Variants in SH2D4B observed in about 807,000 individuals in gnomAD.
The protein encoded by SH2D4B is SH2 domain containing 4B.
SH2D4B carries 45 observed loss-of-function variants against 61.5 expected under a neutral mutation model. That is an observed-to-expected ratio of 0.73 (90% CI 0.58 to 0.94). SH2D4B has a LOEUF of 0.94. Ranked by LOEUF, SH2D4B falls within the 40% of genes least tolerant of loss-of-function variation. The pLI is 0.00. For synonymous variants in SH2D4B, 224 were observed against 220.4 expected, an observed-to-expected ratio of 1.02 and a Z score of -0.14; for missense variants, 572 against 574.2, an observed-to-expected ratio of 1.00 and a Z score of 0.04.
chr10:80,641,655 T>C lies in SH2D4B; in HGVS notation c.1210-2338T>C, dbSNP rs934862942. Among the ~76,000 whole-genome samples the C allele has an allele frequency of 2.0e-5, 3 of 152,272 alleles. No individual in the cohort carries two copies. In the East Asian group the frequency reaches 5.8e-4, roughly 29 times the overall value. ...CATATTGTTTGCTTTTCCTGTATAA[T>C]AGAAGCTGCTTTAGCAATGATGAGC... On this transcript the variant is annotated intron_variant, in intron 7 of 7. Transcript: ENST00000646907.
In SH2D4B at chr10:80,634,379, C is replaced by T. The variant is rs969792371; in HGVS notation, c.1083C>T (p.Thr361=). Residue 361 remains threonine, a synonymous_variant, in exon 7 of 8, where the codon ACC becomes ACT. Coordinates refer to ENST00000646907, the MANE Select transcript of SH2D4B (RefSeq NM_001388272.1). ...TCAGTGAGAAAATCTGGGGTTACAC[C>T]CTCTCCTACCGCCTGCAGAAAGGGT... is the stretch of plus-strand genomic sequence containing the variant. ...VRVSEKIWGY[T]LSYRLQKGFK... is the part of the protein sequence containing the mutation. 1 of 1,550,504 alleles carries T rather than the reference C, an allele frequency of 6.4e-7. No individual in the cohort carries two copies. The highest frequency in any genetic ancestry group is 1.7e-4 in the Middle Eastern group (1 of 5,992).
At chr10:80,555,124 A>G (rs1841814082) in intron 1 of SH2D4B, among the ~76,000 whole-genome samples, 1 of 151,788 alleles carries the variant, frequency 6.6e-6, no homozygotes, top group Non-Finnish European at 1.5e-5. Flanking sequence ...AATTAATTCC[A>G]CTCATATGTA....
At chr10:80,613,596 C>T (rs1019371920) in intron 6 of SH2D4B, among the ~76,000 whole-genome samples, 1 of 152,200 alleles carries the variant, frequency 6.6e-6, no homozygotes, top group Non-Finnish European at 1.5e-5. Flanking sequence ...GGATCTCAAG[C>T]GTGGCCTCAC....
intron 3 of SH2D4B, among the ~76,000 whole-genome samples, chr10:80,585,985 C>T (rs34413309): frequency 0.097 from 14,757 of 152,198 alleles, 838 homozygotes; most frequent in Admixed American, 0.14. Context: ...GAGCCGGCCC[C>T]GCCAGCCCGG....
chr10:80,575,559 G>T (rs560485160), intron 3 of SH2D4B, among the ~76,000 whole-genome samples: 1 of 152,056 alleles, frequency 6.6e-6, no homozygotes, highest in African/African-American at 2.4e-5. Context: ...TCAGGAGTTC[G>T]AGACCAGCCT....
intron 3 of SH2D4B, among the ~76,000 whole-genome samples, chr10:80,587,650 G>A (rs368998610): frequency 1.3e-5 from 2 of 151,958 alleles, no homozygotes; most frequent in Admixed American, 1.3e-4. Flanking sequence ...AGGGTATATT[G>A]TGTGATGCTG....
At chr10:80,548,029 TGTAG>T (rs2132104548) in intron 1 of SH2D4B, among the ~76,000 whole-genome samples, 1 of 152,330 alleles carries the variant, frequency 6.6e-6, no homozygotes, top group East Asian at 1.9e-4. Context: ...ACCTGTCACC[TGTAG>T]GTAGGTACCC....
At chr10:80,631,479 G>T (rs1842833646) in intron 6 of SH2D4B, among the ~76,000 whole-genome samples, 1 of 152,228 alleles carries the variant, frequency 6.6e-6, no homozygotes, top group Non-Finnish European at 1.5e-5. Context: ...GAATTCCTGG[G>T]CTCAAGCGAT....
intron 5 of SH2D4B, among the ~76,000 whole-genome samples, chr10:80,606,416 G>A (rs1401684992): frequency 1.3e-5 from 2 of 151,898 alleles, no homozygotes; most frequent in Non-Finnish European, 2.9e-5. Context: ...GTCCGATCCT[G>A]GCTCACTGCA....
chr10:80,613,701 G>A (rs1161139363), intron 6 of SH2D4B, among the ~76,000 whole-genome samples: 1 of 152,246 alleles, frequency 6.6e-6, no homozygotes, highest in East Asian at 1.9e-4. Flanking sequence ...CCTGGGAGGA[G>A]GATACTCCCC....
At chr10:80,570,070 T>C in intron 1 of SH2D4B, 84 bp from the exon 2 acceptor site, 1 of 1,502,518 alleles carries the variant, frequency 6.7e-7, no homozygotes, top group Non-Finnish European at 9.2e-7. Context: ...AGTGATGTGA[T>C]GGTTGTTTAC....
At chr10:80,629,450 C>G (rs533487227) in intron 6 of SH2D4B, among the ~76,000 whole-genome samples, 1 of 152,250 alleles carries the variant, frequency 6.6e-6, no homozygotes, top group African/African-American at 2.4e-5. Flanking sequence ...TCAGCAATAT[C>G]AAAAAGGAGG....
chr10:80,545,979 C>G (rs538361550), intron 1 of SH2D4B, among the ~76,000 whole-genome samples: 211 of 151,862 alleles, frequency 1.4e-3, no homozygotes, highest in Admixed American at 2.8e-3. Flanking sequence ...CAACTCATTC[C>G]ATTTTCTTAT....
rs192016887 is a variant in SH2D4B, at chr10:80,635,142, T to G, written c.1209+637T>G. ...AGAGCAGCGCTTTGTGACTGTGAAG[T>G]GCTTATGGAAAGTCTTGTTTCTCAG... On this transcript the variant is annotated intron_variant, in intron 7 of 7. Coordinates refer to ENST00000646907, the MANE Select transcript of SH2D4B (RefSeq NM_001388272.1). 1.7e-3 allele frequency among the ~76,000 whole-genome samples: 259 copies of G among 152,332 alleles called. 1 individual carries two copies. Among genetic ancestry groups the G allele is most frequent in the African/African-American group, 5.9e-3 (246 of 41,574 alleles).
chr10:80,605,585 G>A (rs1050820937), intron 5 of SH2D4B, among the ~76,000 whole-genome samples: 3 of 151,950 alleles, frequency 2.0e-5, no homozygotes, highest in African/African-American at 4.8e-5. Context: ...CACCATCTTC[G>A]GTCACTCACT....
intron 5 of SH2D4B, among the ~76,000 whole-genome samples, chr10:80,605,056 G>C (rs1183448992): frequency 3.9e-5 from 6 of 152,168 alleles, no homozygotes; most frequent in Admixed American, 3.9e-4. Flanking sequence ...GCCTCCCAAA[G>C]TGCTGGGATT....
At chr10:80,641,422 G>A (rs1311092054) in intron 7 of SH2D4B, among the ~76,000 whole-genome samples, 2 of 152,246 alleles carry the variant, frequency 1.3e-5, no homozygotes, top group Non-Finnish European at 2.9e-5. Context: ...GAGGCAGCAG[G>A]CCTTGCTGAG....
rs1027323284 is a variant in SH2D4B at position 80,577,465 on chromosome 10, C to T, written c.495+5887C>T. Among the ~76,000 whole-genome samples the T allele has an allele frequency of 2.2e-3, 321 of 148,640 alleles. 2 individuals carry two copies. Among genetic ancestry groups the T allele is most frequent in the African/African-American group, 7.5e-3 (300 of 40,138 alleles). On this transcript the variant is annotated intron_variant, in intron 3 of 7. Coordinates refer to ENST00000646907, the MANE Select transcript of SH2D4B (RefSeq NM_001388272.1). Reference sequence around the variant, plus strand: ...TTTTTGAGACGGAGTCTCGCTCTGTCGCCCAGGCTGGAGTGCAGTGGCGCA... The same window carrying T: ...TTTTTGAGACGGAGTCTCGCTCTGTTGCCCAGGCTGGAGTGCAGTGGCGCA...
chr10:80,602,400 T>C (rs1274960830), intron 4 of SH2D4B, among the ~76,000 whole-genome samples: 2 of 152,034 alleles, frequency 1.3e-5, no homozygotes, highest in African/African-American at 2.4e-5. Flanking sequence ...GAGGTTGAGG[T>C]TGCAGTGAGC....
Sources: gnomAD v4.1 joint callset for allele counts (sites outside exome capture counted in the v4.1 genomes callset) on GRCh38, gnomAD v4.1.1 for gene constraint, MANE v1.5 for transcripts, NCBI Gene and HGNC (gene_info 2026-07-23, HGNC 2026-07-21) for gene names.